Variants in DMD observed in about 807,000 individuals in gnomAD.
The protein encoded by DMD is dystrophin.
DMD carries 63 observed loss-of-function variants against 330.1 expected under a neutral mutation model. The observed-to-expected ratio is 0.19, with a 90% CI of 0.16 to 0.24. DMD has a LOEUF of 0.24. Among genes scored for constraint, DMD ranks in the 10% least tolerant of loss-of-function variants. The pLI, the probability that DMD is intolerant of heterozygous loss-of-function variation, is 1.00. For missense variants in DMD, 3,344 were observed against 2,684.1 expected (o/e 1.25, Z -5.43); for synonymous variants, 1,223 against 959.8 (o/e 1.27, Z -5.07).
rs759619723 is a variant in DMD at position 32,490,828 on chromosome X, G to A, written c.2622+449C>T. ...CCTTCCTCAAATTATCGTAATTTGA[G>A]AGGTCCATCAGTTTTAAATATTTTC... On this transcript the variant is annotated intron_variant, in intron 20 of 78. Transcript: ENST00000357033. Among the ~76,000 whole-genome samples the A allele has an allele frequency of 4.0e-4, 45 of 111,942 alleles. No individual in the cohort carries two copies. The South Asian group carries it at 7.4e-3, about 19-fold the overall frequency.
intron 59 of DMD, among the ~76,000 whole-genome samples, chrX:31,449,901 T>C (rs1921967): frequency 0.24 from 24,818 of 104,477 alleles, 3,524 homozygotes; most frequent in African/African-American, 0.5. Context: ...ATATTCCTCC[T>C]AAAATCTTAA....
intron 44 of DMD, among the ~76,000 whole-genome samples, chrX:32,061,810 A>G (rs941773040): frequency 9.0e-6 from 1 of 111,356 alleles, no homozygotes; most frequent in Non-Finnish European, 1.9e-5. Context: ...TTGTTTTGTC[A>G]CTAAAATGAT....
intron 41 of DMD, among the ~76,000 whole-genome samples, chrX:32,338,359 A>G (rs999878113): frequency 9.0e-6 from 1 of 111,040 alleles, no homozygotes; most frequent in African/African-American, 3.3e-5. Flanking sequence ...CATTAATATG[A>G]AATATTGTCT....
intron 39 of DMD, among the ~76,000 whole-genome samples, chrX:32,344,350 A>T (rs1435739529): frequency 8.9e-6 from 1 of 112,052 alleles, no homozygotes; most frequent in African/African-American, 3.2e-5. Context: ...TGACAGGTTT[A>T]AAAAGTTATT....
rs112588585 is a variant in DMD, at chrX:31,943,987, G to T, written c.6615-11760C>A. 5.7e-3 allele frequency among the ~76,000 whole-genome samples: 624 copies of T among 109,315 alleles called. 1 individual carries two copies. Among genetic ancestry groups the T allele is most frequent in the Non-Finnish European group, 9.6e-3 (504 of 52,562 alleles). The allele number at this position is 109,315 out of a possible 115,157, so 94.9% of individuals were successfully genotyped here. ...GAGCAGAAAGGCAAAGGGTATTTCC[G>T]TTTCACTTATTTAAACTCTGCACAT... On this transcript the variant is annotated intron_variant, in intron 45 of 78. Coordinates refer to ENST00000357033, the MANE Select transcript of DMD (RefSeq NM_004006.3).
intron 37 of DMD, among the ~76,000 whole-genome samples, chrX:32,359,548 T>C (rs1337111492): frequency 9.0e-6 from 1 of 111,449 alleles, no homozygotes; most frequent in Non-Finnish European, 1.9e-5. Context: ...ACCCCTACTA[T>C]AAAGAAACCT....
chrX:33,050,073 T>A (rs1424706963), intron 1 of DMD, among the ~76,000 whole-genome samples: 4 of 111,747 alleles, frequency 3.6e-5, no homozygotes, highest in African/African-American at 9.7e-5. Context: ...TTGGTTTAGT[T>A]TTTTTTTCCA....
chrX:31,245,334 TG>T (rs1334812674), intron 63 of DMD, among the ~76,000 whole-genome samples: 3 of 111,775 alleles, frequency 2.7e-5, no homozygotes, highest in Middle Eastern at 4.6e-3. Context: ...TCTTCTTGAG[TG>T]GTATTTGTTT....
intron 11 of DMD, among the ~76,000 whole-genome samples, chrX:32,623,925 T>G (rs1234004905): frequency 8.9e-6 from 1 of 112,154 alleles, no homozygotes; most frequent in East Asian, 2.8e-4. Flanking sequence ...GACCCAAGAC[T>G]GTGCACTATT....
intron 7 of DMD, 124 bp from the exon 8 acceptor site, chrX:32,699,417 G>A: frequency 1.7e-6 from 1 of 581,097 alleles, no homozygotes; most frequent in Non-Finnish European, 2.9e-6. Context: ...GTCCATGAAT[G>A]TCCTCCAGAG....
intron 53 of DMD, among the ~76,000 whole-genome samples, chrX:31,666,431 AACATG>A (rs1386442740): frequency 8.9e-6 from 1 of 112,139 alleles, no homozygotes; most frequent in Non-Finnish European, 1.9e-5. Flanking sequence ...GTCTACAACG[AACATG>A]TAACATGAGT....
chrX:32,437,907 T>C (rs890291057), intron 29 of DMD, among the ~76,000 whole-genome samples: 2 of 111,851 alleles, frequency 1.8e-5, no homozygotes, highest in Non-Finnish European at 3.8e-5. Context: ...CAAATGTGTG[T>C]GGAATGGAGG....
At chrX:32,257,954 C>T (rs1385019421) in intron 43 of DMD, among the ~76,000 whole-genome samples, 1 of 99,924 alleles carries the variant, frequency 1.0e-5, no homozygotes. Context: ...CTATAAGGAA[C>T]TTAAACAAAT....
chrX:31,386,610 A>G (rs1602385084), intron 60 of DMD, among the ~76,000 whole-genome samples: 1 of 112,122 alleles, frequency 8.9e-6, no homozygotes, highest in African/African-American at 3.2e-5. Flanking sequence ...GGTCTAATCC[A>G]TCTCTGTGTT....
chrX:31,900,680 G>A (rs993252182), intron 47 of DMD, among the ~76,000 whole-genome samples: 3 of 111,655 alleles, frequency 2.7e-5, no homozygotes, highest in African/African-American at 3.3e-5. Flanking sequence ...AACATGCAGA[G>A]TCTGGTACAG....
At chrX:33,279,973 T>TATCA (rs1204116687) in intron 1 of DMD, among the ~76,000 whole-genome samples, 1 of 107,128 alleles carries the variant, frequency 9.3e-6, no homozygotes, top group African/African-American at 3.5e-5. Flanking sequence ...TCTAGATATA[T>TATCA]GGTTTGCCAA....
intron 44 of DMD, among the ~76,000 whole-genome samples, chrX:31,975,805 G>A (rs1315745351): frequency 4.5e-5 from 5 of 112,204 alleles, no homozygotes; most frequent in Non-Finnish European, 9.4e-5. Context: ...TTGGCGGGTA[G>A]AGGGTGATAC....
intron 1 of DMD, among the ~76,000 whole-genome samples, chrX:33,153,145 T>C (rs2048354892): frequency 8.8e-6 from 1 of 113,049 alleles, no homozygotes; most frequent in African/African-American, 3.2e-5. Context: ...GGGCGTTGGC[T>C]CACGCCTGTA....
intron 29 of DMD, among the ~76,000 whole-genome samples, chrX:32,432,228 C>A (rs1397462316): frequency 1.8e-5 from 2 of 111,231 alleles, no homozygotes; most frequent in Non-Finnish European, 3.8e-5. Context: ...CTGATAGAAC[C>A]CCAGTTTTAT....
Sources: allele counts gnomAD v4.1 joint callset (sites outside exome capture counted in the v4.1 genomes callset), GRCh38; gene constraint gnomAD v4.1.1; transcripts MANE v1.5; gene names NCBI Gene and HGNC (gene_info 2026-07-23, HGNC 2026-07-21).